AHNAK: variants seen among roughly 807,000 people sequenced by gnomAD.
AHNAK encodes neuroblast differentiation-associated protein AHNAK.
Under a neutral mutation model 37.8 loss-of-function variants are expected in AHNAK, and 23 were observed. The observed-to-expected ratio is 0.61, with a 90% confidence interval of 0.44 to 0.86. AHNAK has a LOEUF of 0.86. Among genes scored for constraint, AHNAK ranks in the 40% least tolerant of loss-of-function variants. The pLI, the probability that AHNAK is intolerant of heterozygous loss-of-function variation, is 0.00. For missense variants in AHNAK, 7,411 were observed against 7,319.4 expected, an observed-to-expected ratio of 1.01 and a Z score of -0.46; for synonymous variants, 2,481 against 2,636.3, an observed-to-expected ratio of 0.94 and a Z score of 1.80.
At chr11:62,537,117 C>T (rs538092835) in intron 1 of AHNAK, among the ~76,000 whole-genome samples, 39 of 151,694 alleles carry the variant, frequency 2.6e-4, no homozygotes, top group Middle Eastern at 3.4e-3. Context: ...CCATGCACCA[C>T]ACCCGGCTAA....
Position 62,531,587 on chromosome 11 carries a change from G to A in AHNAK, c.2830C>T (p.Pro944Ser). The change falls in exon 5 of 5, where the codon CCC becomes TCC. Residue 944 changes from proline to serine, a missense_variant. By Grantham distance (74) the Pro-to-Ser change is moderately conservative (BLOSUM62 -1). Coordinates refer to ENST00000378024, the MANE Select transcript of AHNAK (RefSeq NM_001620.3). ...TCCACATCAGGCATGGAGATCTTGG[G>A]GGCCTTGATATTCATCTCTGGCATC... Reference protein sequence around the residue: ...FKMPEMNIKAPKISMPDVDLH... With the variant: ...FKMPEMNIKASKISMPDVDLH... 6.2e-7 allele frequency: 1 copy of A among 1,613,622 alleles called. No homozygotes were observed. The highest frequency in any genetic ancestry group is 1.7e-5 in the Admixed American group (1 of 59,976).
chr11:62,455,734 G>A (rs951355983), intron 5 of AHNAK, among the ~76,000 whole-genome samples: 23 of 151,280 alleles, frequency 1.5e-4, no homozygotes, highest in Non-Finnish European at 1.8e-4. Flanking sequence ...GCATGGTGGC[G>A]GGCACTTGTA....
chr11:62,495,215 A>G (rs1939585246), intron 4 of AHNAK, among the ~76,000 whole-genome samples: 1 of 152,090 alleles, frequency 6.6e-6, no homozygotes, highest in Non-Finnish European at 1.5e-5. Flanking sequence ...ATTTGAATCC[A>G]AACTACCTGG....
In AHNAK at chr11:62,524,040, A is replaced by G. The variant is rs1940375880; in HGVS notation, c.10377T>C (p.Asn3459=). ...VDIKAPEVNL[N]APDVDVHGPD... ...GACCATGAACATCCACATCAGGTGC[A>G]TTAAGATTGACTTCTGGTGCCTTAA... Residue 3459 remains asparagine, a synonymous_variant, in exon 5 of 5, where the codon AAT becomes AAC. Coordinates refer to ENST00000378024, the MANE Select transcript of AHNAK (RefSeq NM_001620.3). 1 of 1,613,938 alleles carries G rather than the reference A, an allele frequency of 6.2e-7. No individual in the cohort carries two copies. Among genetic ancestry groups the G allele is most frequent in the Admixed American group, 1.7e-5 (1 of 59,992 alleles).
At chr11:62,510,204 C>T (rs375296330) in intron 4 of AHNAK, among the ~76,000 whole-genome samples, 102 of 151,556 alleles carry the variant, frequency 6.7e-4, no homozygotes, top group Non-Finnish European at 1.3e-3. Flanking sequence ...CCACCACACC[C>T]GGCTAATTTT....
rs966595438 is a variant in AHNAK, at chr11:62,530,399, C to A, written c.4018G>T (p.Asp1340Tyr). ...ACCTCAGGCAAGGACACATCCACAT[C>A]TCCCTTCAATTTTGGCCCCTTAAGA... is the stretch of plus-strand genomic sequence containing the variant. Reference protein sequence around the residue: ...LNLKGPKLKGDVDVSLPEVEG... With the variant: ...LNLKGPKLKGYVDVSLPEVEG... The change falls in exon 5 of 5, where the codon GAT becomes TAT. Residue 1340 changes from aspartate to tyrosine, a missense_variant. Physicochemically the swap from Asp to Tyr is radical, Grantham distance 160 (BLOSUM62 -3). Coordinates refer to ENST00000378024, the MANE Select transcript of AHNAK (RefSeq NM_001620.3). 2 of 1,614,168 alleles carry A rather than the reference C, an allele frequency of 1.2e-6. No homozygotes were observed. Among genetic ancestry groups the A allele is most frequent in the Non-Finnish European group, 1.7e-6 (2 of 1,180,038 alleles).
intron 5 of AHNAK, among the ~76,000 whole-genome samples, chr11:62,466,310 AC>A (rs1472294936): frequency 6.6e-6 from 1 of 151,566 alleles, no homozygotes; most frequent in Non-Finnish European, 1.5e-5. Context: ...ACAGAGCAAG[AC>A]TCTGTCTCAA....
chr11:62,533,694 G>A lies in AHNAK; in HGVS notation c.723C>T (p.His241=). ...ASGPELQGAG[H]SKLQVTMPGI... ...CAGGCATGGTGACCTGGAGCTTCGAGTGGCCAGCACCTTGGAGCTCTGGTC... is the reference window on the plus strand; with the variant it reads ...CAGGCATGGTGACCTGGAGCTTCGAATGGCCAGCACCTTGGAGCTCTGGTC... The change falls in exon 5 of 5, where the codon CAC becomes CAT. Residue 241 remains histidine, a synonymous_variant. Transcript: ENST00000378024. The A allele has an allele frequency of 6.2e-7, 1 of 1,614,114 alleles. No individual in the cohort carries two copies. Among genetic ancestry groups the A allele is most frequent in the Non-Finnish European group, 8.5e-7 (1 of 1,180,030 alleles).
chr11:62,463,045 A>T (rs1367277618), intron 5 of AHNAK, among the ~76,000 whole-genome samples: 1 of 149,174 alleles, frequency 6.7e-6, no homozygotes, highest in Non-Finnish European at 1.5e-5. Flanking sequence ...AATCACTTGA[A>T]CCCAGGAAGC....
chr11:62,513,266 A>G (rs918351335), downstream of AHNAK, among the ~76,000 whole-genome samples: 10 of 152,078 alleles, frequency 6.6e-5, no homozygotes, highest in African/African-American at 1.2e-4. Flanking sequence ...GCCGGGCGCC[A>G]TGGCTCACGC....
intron 5 of AHNAK, among the ~76,000 whole-genome samples, chr11:62,480,434 G>A (rs1174330189): frequency 1.3e-5 from 2 of 151,960 alleles, no homozygotes; most frequent in Non-Finnish European, 2.9e-5. Context: ...GGCCGAGGTG[G>A]GTGGATCACA....
At position 62,516,535 on chromosome 11, in the gene AHNAK, T is replaced by A; in HGVS notation, c.*209A>T. On this transcript the variant is annotated 3_prime_UTR_variant, in exon 5 of 5. Transcript: ENST00000378024. ...AATACTGTTGACTTTGCACATGGGCTGGACGAACTTGGAACTCTTTACCTA... is the reference window on the plus strand; with the variant it reads ...AATACTGTTGACTTTGCACATGGGCAGGACGAACTTGGAACTCTTTACCTA... 7.1e-7 allele frequency: 1 copy of A among 1,416,922 alleles called. No individual in the cohort carries two copies. Among genetic ancestry groups the A allele is most frequent in the South Asian group, 1.6e-5 (1 of 61,476 alleles). 87.8% of individuals were successfully genotyped at this position (1,416,922 alleles called of 1,614,324 possible). A position where few individuals can be genotyped will look rare whatever the true frequency, so the allele number is the denominator to read the frequency against.
intron 4 of AHNAK, among the ~76,000 whole-genome samples, chr11:62,496,115 C>A (rs1385917593): frequency 6.6e-6 from 1 of 151,694 alleles, no homozygotes. Context: ...AACAAAGATT[C>A]TATAGTAGCT....
At position 62,527,964 on chromosome 11, in the gene AHNAK, C is replaced by G. The variant is rs552335352; in HGVS notation, c.6453G>C (p.Val2151=). The change falls in exon 5 of 5, where the codon GTG becomes GTC. Residue 2151 remains valine (V), a synonymous_variant. Coordinates refer to ENST00000378024, the MANE Select transcript of AHNAK (RefSeq NM_001620.3). ...GCTCAACATCAGGCACCTCCACATC[C>G]ACACTGGGGCCTGTTAAATCTCCCT... ...KLEGDLTGPS[V]DVEVPDVELE... 2.5e-6 allele frequency: 4 copies of G among 1,613,322 alleles called. No individual in the cohort carries two copies. In the Admixed American group the frequency reaches 6.7e-5, roughly 27 times the overall value.
chr11:62,525,298 G>A lies in AHNAK; in HGVS notation c.9119C>T (p.Pro3040Leu). ...FSMPGFKGEGPDVDVNLPKAD... is the reference protein window; with the variant it reads ...FSMPGFKGEGLDVDVNLPKAD... ...CTTGGGCAGGTTCACATCCACATCT[G>A]GGCCCTCTCCTTTGAAGCCAGGCAT... is the stretch of plus-strand genomic sequence containing the variant. The change falls in exon 5 of 5, where the codon CCA (proline) becomes CTA (leucine). Residue 3040 changes from proline to leucine, a missense_variant. By Grantham distance (98) the Pro-to-Leu change is moderately conservative. Coordinates refer to ENST00000378024, the MANE Select transcript of AHNAK (RefSeq NM_001620.3). 6.2e-7 allele frequency: 1 copy of A among 1,612,956 alleles called. No individual in the cohort carries two copies. Among genetic ancestry groups the A allele is most frequent in the Non-Finnish European group, 8.5e-7 (1 of 1,179,762 alleles).
intron 5 of AHNAK, among the ~76,000 whole-genome samples, chr11:62,436,870 C>A (rs1266955538): frequency 1.3e-5 from 2 of 151,474 alleles, no homozygotes; most frequent in African/African-American, 4.9e-5. Context: ...ACCCAGGAGG[C>A]GGAGCTTGCA....
rs191928400 is a variant in AHNAK, at chr11:62,518,716, G to A, written c.15701C>T (p.Pro5234Leu). Residue 5234 changes from proline to leucine, a missense_variant, in exon 5 of 5, where the codon CCC (proline) becomes CTC (leucine). By Grantham distance (98) the Pro-to-Leu change is moderately conservative. Coordinates refer to ENST00000378024, the MANE Select transcript of AHNAK (RefSeq NM_001620.3). ...LQGPEAKIKF[P>L]KFSMPKIGIP... ...GCCGATCTTGGGCATGGAAAACTTG[G>A]GGAACTTAATTTTTGCTTCTGGACC... 1.9e-5 allele frequency: 30 copies of A among 1,614,134 alleles called. No individual in the cohort carries two copies. In the Admixed American group the frequency reaches 4.3e-4, roughly 23 times the overall value.
rs1322336681 is a variant in AHNAK at position 62,523,923 on chromosome 11, T to C, written c.10494A>G (p.Leu3498=). The change falls in exon 5 of 5, where the codon CTA becomes CTG. Residue 3498 remains leucine (L), a synonymous_variant. Coordinates refer to ENST00000378024, the MANE Select transcript of AHNAK (RefSeq NM_001620.3). ...CCTCTATGTTGATGTCTCCTTTTGG[T>C]AGATCCACAGCTACATCTGGCCCTT... ...KAEGPDVAVD[L]PKGDINIEGP... The C allele has an allele frequency of 1.9e-6, 3 of 1,614,020 alleles. No individual in the cohort carries two copies. Among genetic ancestry groups the C allele is most frequent in the Non-Finnish European group, 2.5e-6 (3 of 1,179,990 alleles).
downstream of AHNAK, among the ~76,000 whole-genome samples, chr11:62,515,093 G>A (rs1939983052): frequency 6.6e-6 from 1 of 152,140 alleles, no homozygotes; most frequent in Admixed American, 6.6e-5. Flanking sequence ...CCAGTGACTA[G>A]AACCACTCCT....
Sources: allele counts gnomAD v4.1 joint callset (sites outside exome capture counted in the v4.1 genomes callset), GRCh38; gene constraint gnomAD v4.1.1; transcripts MANE v1.5; gene names NCBI Gene and HGNC (gene_info 2026-07-23, HGNC 2026-07-21).